SKP1: variants seen among roughly 807,000 people sequenced by gnomAD.
SKP1 encodes the protein S-phase kinase associated protein 1.
A neutral mutation model predicts 21.5 loss-of-function variants in SKP1; 1 was observed. That is an observed-to-expected ratio of 0.05 (90% CI 0.02 to 0.22). The LOEUF (loss-of-function observed/expected upper bound fraction) is 0.22, where lower values mean the gene tolerates loss of function less well. Among genes scored for constraint, SKP1 ranks in the 10% least tolerant of loss-of-function variants. The probability of loss-of-function intolerance (pLI) is 1.00; values close to 1 mark genes in which losing one functional copy is unlikely to be tolerated. For missense variants in SKP1, 70 were observed against 192.0 expected (o/e 0.36, Z 3.76); for synonymous variants, 59 against 59.3 (o/e 0.99, Z 0.03).
At chr5:134,160,282 G>A (rs1761196403) in intron 4 of SKP1, among the ~76,000 whole-genome samples, 1 of 151,954 alleles carries the variant, frequency 6.6e-6, no homozygotes, top group Non-Finnish European at 1.5e-5. Context: ...GCTTGAACCT[G>A]GGAGGTGGAG....
In SKP1 at chr5:134,153,966, C is replaced by G. The variant is rs1761080112; in HGVS notation, c.*3767G>C. The G allele has an allele frequency of 6.6e-6, 1 of 152,154 alleles. No homozygotes were observed. Among genetic ancestry groups the G allele is most frequent in the South Asian group, 2.1e-4 (1 of 4,824 alleles). 9.4% of individuals were successfully genotyped at this position (152,154 alleles called of 1,614,324 possible). On this transcript the variant is annotated 3_prime_UTR_variant, in exon 6 of 6. Coordinates refer to ENST00000353411, the MANE Select transcript of SKP1 (RefSeq NM_170679.3). ...TATAGTTCTTGCTTAATTCCAGGAG[C>G]TGGTGTATTCTGACAGTTGTAGAGT...
chr5:134,171,334 A>C (rs2149376884), intron 2 of SKP1, among the ~76,000 whole-genome samples: 1 of 152,312 alleles, frequency 6.6e-6, no homozygotes, highest in Non-Finnish European at 1.5e-5. Context: ...AGTCACCTAG[A>C]AATGTCCCCT....
Position 134,158,609 on chromosome 5 carries a change from G to A in SKP1, c.316-14C>T. ...GTAGTTTGCAGCCTGTAAAGAGACA[G>A]TTGTTTTCCTTAAAGTATACTTGAT... is the stretch of plus-strand genomic sequence containing the variant. On this transcript the variant is annotated splice_polypyrimidine_tract_variant and intron_variant, in intron 4 of 5. Coordinates refer to ENST00000353411, the MANE Select transcript of SKP1 (RefSeq NM_170679.3). 6.2e-7 allele frequency: 1 copy of A among 1,610,222 alleles called. No individual in the cohort carries two copies. The highest frequency in any genetic ancestry group is 8.5e-7 in the Non-Finnish European group (1 of 1,177,804).
intron 2 of SKP1, among the ~76,000 whole-genome samples, chr5:134,168,035 A>G (rs1192209798): frequency 1.3e-5 from 2 of 152,252 alleles, no homozygotes; most frequent in Non-Finnish European, 2.9e-5. Flanking sequence ...CAGCTCTCTT[A>G]GGAGCATTTA....
In SKP1 at chr5:134,171,711, C is replaced by T. The variant is rs567670735; in HGVS notation, c.97+2215G>A. Among the ~76,000 whole-genome samples, 118 of 152,332 alleles carry T rather than the reference C, an allele frequency of 7.7e-4. 2 individuals carry two copies. The highest frequency in any genetic ancestry group is 3.4e-3 in the Middle Eastern group (1 of 294). ...CTAGCACACCCTGTCTACTTTACTT[C>T]AGAATGATCTCCCAAAACATTCTAA... On this transcript the variant is annotated intron_variant, in intron 2 of 5. Coordinates refer to ENST00000353411, the MANE Select transcript of SKP1 (RefSeq NM_170679.3).
chr5:134,157,814 T>C (rs1160086898), intron 5 of SKP1, 46 bp from the exon 6 acceptor site: 3 of 1,611,506 alleles, frequency 1.9e-6, no homozygotes, highest in East Asian at 2.2e-5. Flanking sequence ...GAGTAGTCTT[T>C]CCTAAGACTT....
chr5:134,158,058 T>A lies in SKP1; in HGVS notation c.457-290A>T, dbSNP rs539001624. 2.8e-6 allele frequency: 4 copies of A among 1,453,752 alleles called. No homozygotes were observed. The East Asian group carries it at 8.9e-5, about 32-fold the overall frequency. The allele number at this position is 1,453,752 out of a possible 1,614,324, so 90.1% of individuals were successfully genotyped here. A position where few individuals can be genotyped will look rare whatever the true frequency, so the allele number is the denominator to read the frequency against. On this transcript the variant is annotated intron_variant, in intron 5 of 5. Coordinates refer to ENST00000353411, the MANE Select transcript of SKP1 (RefSeq NM_170679.3). ...CACATTATTTCAGTCTGTAGTCATG[T>A]CAACAAAATCATTCTGATCTATTCT... is the stretch of plus-strand genomic sequence containing the variant.
chr5:134,154,446 T>TC lies in SKP1; in HGVS notation c.*3286dup, dbSNP rs1554109003. 4 of 46,534 alleles carry TC rather than the reference T, an allele frequency of 8.6e-5. No individual in the cohort carries two copies. The highest frequency in any genetic ancestry group is 1.3e-4 in the Non-Finnish European group (4 of 29,790). The allele number at this position is 46,534 out of a possible 1,614,324, so 2.9% of individuals were successfully genotyped here. ...CTGGGCGACAGAGTGAGACTCTGTC[T>TC]CAAAAAAAAAAAAAAAAAAAAAAAA... On this transcript the variant is annotated 3_prime_UTR_variant, in exon 6 of 6. Transcript: ENST00000353411.
intron 3 of SKP1, among the ~76,000 whole-genome samples, chr5:134,166,757 T>C (rs1761340505): frequency 6.6e-6 from 1 of 152,192 alleles, no homozygotes; most frequent in Admixed American, 6.5e-5. Context: ...GTTTCAAAAT[T>C]ATAAATCTAA....
chr5:134,174,157 A>G, intron 1 of SKP1, 135 bp from the exon 2 acceptor site: 1 of 639,364 alleles, frequency 1.6e-6, no homozygotes, highest in Non-Finnish European at 2.8e-6. Context: ...AACCCTGTAA[A>G]GCACTGTTGT....
At chr5:134,158,014 C>G in intron 5 of SKP1, 1 of 1,492,706 alleles carries the variant, frequency 6.7e-7, no homozygotes, top group Admixed American at 2.0e-5. Context: ...GTTGACAGAG[C>G]AAATTCAGTT....
At chr5:134,176,082 G>C (rs1761538358) in intron 1 of SKP1, among the ~76,000 whole-genome samples, 1 of 152,188 alleles carries the variant, frequency 6.6e-6, no homozygotes, top group African/African-American at 2.4e-5. Context: ...ACCCAAACGT[G>C]AAGTTTCCAT....
chr5:134,166,218 T>A (rs17167345), intron 3 of SKP1, among the ~76,000 whole-genome samples: 1 of 149,814 alleles, frequency 6.7e-6, no homozygotes, highest in East Asian at 2.0e-4. Flanking sequence ...TTAACTAACA[T>A]AGACATATCA....
chr5:134,160,463 G>C (rs924457130), intron 4 of SKP1, among the ~76,000 whole-genome samples: 1 of 152,100 alleles, frequency 6.6e-6, no homozygotes, highest in Non-Finnish European at 1.5e-5. Context: ...TTAATTGAGA[G>C]AGGTGCTGAA....
rs1387848877 is a variant in SKP1, at chr5:134,152,057, TCTTA to T, written c.*5672_*5675del. The T allele has an allele frequency of 6.2e-6, 1 of 160,304 alleles. No individual in the cohort carries two copies. The highest frequency in any genetic ancestry group is 1.4e-5 in the Non-Finnish European group (1 of 72,644). 9.9% of individuals were successfully genotyped at this position (160,304 alleles called of 1,614,324 possible). Reference sequence around the variant, plus strand: ...TCATCTTGATATGCACAGCCAGTTCTCTTACTCATTCTCTGTGACCACTGGAGGT... The same window carrying T: ...TCATCTTGATATGCACAGCCAGTTCTCTCATTCTCTGTGACCACTGGAGGT... On this transcript the variant is annotated 3_prime_UTR_variant, in exon 6 of 6. Transcript: ENST00000353411.
rs1761207905 is a variant in SKP1 at position 134,160,875 on chromosome 5, A to C, written c.315+112T>G. The C allele has an allele frequency of 4.3e-6, 3 of 698,890 alleles. No individual in the cohort carries two copies. The South Asian group carries it at 6.6e-5, about 15-fold the overall frequency. The allele number at this position is 698,890 out of a possible 1,614,324, so 43.3% of individuals were successfully genotyped here. A position where few individuals can be genotyped will look rare whatever the true frequency, so the allele number is the denominator to read the frequency against. ...TATGTGGATTTAAATATGGCGTTACATTTGAATTTAGAGAGTATTAAAATT... is the reference window on the plus strand; with the variant it reads ...TATGTGGATTTAAATATGGCGTTACCTTTGAATTTAGAGAGTATTAAAATT... On this transcript the variant is annotated intron_variant, in intron 4 of 5. Coordinates refer to ENST00000353411, the MANE Select transcript of SKP1 (RefSeq NM_170679.3).
At chr5:134,168,659 T>TA (rs1440251259) in intron 2 of SKP1, among the ~76,000 whole-genome samples, 1 of 152,000 alleles carries the variant, frequency 6.6e-6, no homozygotes, top group African/African-American at 2.4e-5. Context: ...AAGGAGGTGG[T>TA]AAGAAATGAC....
intron 2 of SKP1, 62 bp from the exon 3 acceptor site, chr5:134,167,305 G>A (rs1295521486): frequency 7.5e-5 from 79 of 1,051,914 alleles, no homozygotes; most frequent in East Asian, 2.6e-4. Flanking sequence ...TACCAACCAG[G>A]CTATGTCTCA....
At chr5:134,168,702 G>T (rs1761381498) in intron 2 of SKP1, among the ~76,000 whole-genome samples, 1 of 152,130 alleles carries the variant, frequency 6.6e-6, no homozygotes, top group Admixed American at 6.6e-5. Flanking sequence ...GGTACAGACA[G>T]TAGAATTTGC....
Sources: allele counts gnomAD v4.1 joint callset (sites outside exome capture counted in the v4.1 genomes callset), GRCh38; gene constraint gnomAD v4.1.1; transcripts MANE v1.5; gene names NCBI Gene and HGNC (gene_info 2026-07-23, HGNC 2026-07-21).